The following FSHR variants were observed in gnomAD, a reference collection of about 807,000 sequenced individuals.
FSHR encodes follicle stimulating hormone receptor, also known as follicle-stimulating hormone receptor.
Under a neutral mutation model 52.1 loss-of-function variants are expected in FSHR, and 46 were observed. That is an observed-to-expected ratio of 0.88 (90% CI 0.70 to 1.13). The LOEUF is 1.13. FSHR is among the 50% of genes most tolerant of loss of function. FSHR has a pLI of 0.00. For missense variants in FSHR, 964 were observed against 834.6 expected (o/e 1.16, Z -1.91); for synonymous variants, 399 against 309.6 (o/e 1.29, Z -3.03).
At chr2:49,015,548 A>T (rs142475696) in intron 4 of FSHR, among the ~76,000 whole-genome samples, 2 of 152,190 alleles carry the variant, frequency 1.3e-5, no homozygotes, top group African/African-American at 4.8e-5. Context: ...AGATTTCTCA[A>T]CTATTGAATG....
At chr2:49,093,191 G>T (rs905705136) in intron 1 of FSHR, among the ~76,000 whole-genome samples, 6 of 152,106 alleles carry the variant, frequency 3.9e-5, no homozygotes, top group African/African-American at 9.7e-5. Flanking sequence ...AACATGAACT[G>T]GGAAATATCA....
intron 8 of FSHR, among the ~76,000 whole-genome samples, chr2:48,973,484 G>T (rs1467442186): frequency 6.6e-6 from 1 of 152,202 alleles, no homozygotes; most frequent in African/African-American, 2.4e-5. Context: ...AAATTTTAAT[G>T]AGGCAATAGA....
chr2:49,043,884 C>T (rs1184691172), intron 2 of FSHR, among the ~76,000 whole-genome samples: 1 of 152,146 alleles, frequency 6.6e-6, no homozygotes, highest in Non-Finnish European at 1.5e-5. Flanking sequence ...AGAACACTTT[C>T]CCCTCTCTTC....
intron 2 of FSHR, among the ~76,000 whole-genome samples, chr2:49,052,171 A>C (rs1668884412): frequency 6.6e-6 from 1 of 152,182 alleles, no homozygotes; most frequent in Admixed American, 6.5e-5. Context: ...AACAAATGCA[A>C]ATCAGATTAT....
At chr2:49,089,460 G>C (rs191944212) in intron 1 of FSHR, among the ~76,000 whole-genome samples, 5 of 152,282 alleles carry the variant, frequency 3.3e-5, no homozygotes, top group Admixed American at 3.3e-4. Context: ...AGGAAAGGCA[G>C]TTTGGCTTTT....
At chr2:49,127,554 T>A (rs1451831345) in intron 1 of FSHR, among the ~76,000 whole-genome samples, 1 of 150,906 alleles carries the variant, frequency 6.6e-6, no homozygotes, top group African/African-American at 2.4e-5. Context: ...ACACCCCATG[T>A]ACACACAAAT....
At chr2:49,056,476 A>C (rs867216323) in intron 2 of FSHR, among the ~76,000 whole-genome samples, 2 of 80,312 alleles carry the variant, frequency 2.5e-5, no homozygotes, top group African/African-American at 7.4e-5. Flanking sequence ...ATATATATAT[A>C]TATATATATA....
intron 1 of FSHR, among the ~76,000 whole-genome samples, chr2:49,088,978 C>G (rs573547557): frequency 6.6e-6 from 1 of 151,998 alleles, no homozygotes; most frequent in East Asian, 1.9e-4. Context: ...ATGCAAATGT[C>G]GAACGTTCAA....
At chr2:48,983,437 C>A (rs1475077348) in intron 6 of FSHR, among the ~76,000 whole-genome samples, 2 of 152,254 alleles carry the variant, frequency 1.3e-5, no homozygotes, top group East Asian at 1.9e-4. Flanking sequence ...GGCAGAGCAG[C>A]CTGGATTCTA....
chr2:49,079,259 T>C (rs918793389), intron 1 of FSHR, among the ~76,000 whole-genome samples: 2 of 152,060 alleles, frequency 1.3e-5, no homozygotes, highest in East Asian at 1.9e-4. Flanking sequence ...AATAAGCACA[T>C]TTATAAGTGG....
intron 1 of FSHR, among the ~76,000 whole-genome samples, chr2:49,114,579 C>G (rs1303257036): frequency 6.6e-6 from 1 of 152,022 alleles, no homozygotes; most frequent in African/African-American, 2.4e-5. Context: ...TTAGTTGCCT[C>G]AACTATGAAA....
Position 49,009,976 on chromosome 2 carries a change from G to A in FSHR, c.374+7513C>T, listed in dbSNP as rs1406032724. On this transcript the variant is annotated intron_variant, in intron 4 of 9. Transcript: ENST00000406846. ...TATACAATCATGTCGTCTGCAAACA[G>A]GGACAATTTGACTTCCTCTTTTCCT... Among the ~76,000 whole-genome samples, 8 of 120,520 alleles carry A rather than the reference G, an allele frequency of 6.6e-5. No homozygotes were observed. In the Admixed American group the frequency reaches 7.9e-4, roughly 12 times the overall value. 79.1% of individuals were successfully genotyped at this position (120,520 alleles called of 152,430 possible). A position where few individuals can be genotyped will look rare whatever the true frequency, so the allele number is the denominator to read the frequency against.
chr2:49,028,815 G>T (rs2104248541), intron 2 of FSHR, among the ~76,000 whole-genome samples: 1 of 152,336 alleles, frequency 6.6e-6, no homozygotes, highest in Middle Eastern at 3.4e-3. Flanking sequence ...TGGCAAAGCT[G>T]CTTTTGCCCT....
intron 2 of FSHR, among the ~76,000 whole-genome samples, chr2:49,035,945 CAT>C (rs1349225204): frequency 1.3e-5 from 2 of 152,206 alleles, no homozygotes; most frequent in Non-Finnish European, 2.9e-5. Flanking sequence ...TTGAGGTCAA[CAT>C]CATTAGCAAG....
chr2:49,117,542 G>C (rs1671648567), intron 1 of FSHR, among the ~76,000 whole-genome samples: 1 of 152,178 alleles, frequency 6.6e-6, no homozygotes, highest in Non-Finnish European at 1.5e-5. Context: ...GGAGCTATAA[G>C]AGTTCCGAAG....
rs540471533 is a variant in FSHR, at chr2:49,062,906, C to T, written c.224+5313G>A. On this transcript the variant is annotated intron_variant, in intron 2 of 9. Coordinates refer to ENST00000406846, the MANE Select transcript of FSHR (RefSeq NM_000145.4). ...GATATTATAAAAAAAACAACAGAAACCCACCCAAAACCAAAAACATAAACA... is the reference window on the plus strand; with the variant it reads ...GATATTATAAAAAAAACAACAGAAATCCACCCAAAACCAAAAACATAAACA... Among the ~76,000 whole-genome samples the T allele has an allele frequency of 5.0e-4, 76 of 152,052 alleles. No homozygotes were observed. The South Asian group carries it at 0.016, about 31-fold the overall frequency.
At position 48,963,776 on chromosome 2, in the gene FSHR, T is replaced by C; in HGVS notation, c.1045A>G (p.Lys349Glu). ...NEVVDVTCSPKPDAFNPCEDI... is the reference protein window; with the variant it reads ...NEVVDVTCSPEPDAFNPCEDI... Reference sequence around the variant, plus strand: ...TCACATGGGTTGAATGCATCTGGCTTAGGGGAGCAGGTCACGTCAACCACT... The same window carrying C: ...TCACATGGGTTGAATGCATCTGGCTCAGGGGAGCAGGTCACGTCAACCACT... Residue 349 changes from lysine (K) to glutamate (E), a missense_variant, in exon 10 of 10, where the codon AAG becomes GAG. Physicochemically the swap from Lys to Glu is moderately conservative, Grantham distance 56 (BLOSUM62 1). Coordinates refer to ENST00000406846, the MANE Select transcript of FSHR (RefSeq NM_000145.4). 1 of 1,614,132 alleles carries C rather than the reference T, an allele frequency of 6.2e-7. No homozygotes were observed. The highest frequency in any genetic ancestry group is 1.6e-4 in the Middle Eastern group (1 of 6,062).
chr2:48,967,231 G>A (rs1674516856), intron 9 of FSHR, among the ~76,000 whole-genome samples: 1 of 152,108 alleles, frequency 6.6e-6, no homozygotes, highest in Non-Finnish European at 1.5e-5. Context: ...GAGTAGGTGG[G>A]ACTACAGGCA....
intron 1 of FSHR, among the ~76,000 whole-genome samples, chr2:49,114,607 C>A (rs1671535169): frequency 6.6e-6 from 1 of 152,064 alleles, no homozygotes; most frequent in Non-Finnish European, 1.5e-5. Flanking sequence ...AGAGTAAGAA[C>A]CCTCGTAGCA....
Sources: allele counts gnomAD v4.1 joint callset (sites outside exome capture counted in the v4.1 genomes callset), GRCh38; gene constraint gnomAD v4.1.1; transcripts MANE v1.5; gene names NCBI Gene and HGNC (gene_info 2026-07-23, HGNC 2026-07-21).